The following TNRC6A variants were observed in gnomAD, a reference collection of about 807,000 sequenced individuals.
TNRC6A encodes trinucleotide repeat containing adaptor 6A.
TNRC6A carries 44 observed loss-of-function variants against 221.2 expected under a neutral mutation model. The ratio of observed to expected loss-of-function variants is 0.20; its 90% CI spans 0.16 to 0.26. TNRC6A has a LOEUF of 0.26. Ranked by LOEUF, TNRC6A falls within the 10% of genes least tolerant of loss-of-function variation. The probability of loss-of-function intolerance (pLI) is 1.00; values close to 1 mark genes in which losing one functional copy is unlikely to be tolerated. For missense variants in TNRC6A, 2,199 were observed against 2,404.4 expected (o/e 0.91, Z 1.79); for synonymous variants, 847 against 838.5 (o/e 1.01, Z -0.18).
intron 2 of TNRC6A, among the ~76,000 whole-genome samples, chr16:24,698,495 T>A (rs571104380): frequency 1.1e-4 from 17 of 152,004 alleles, no homozygotes; most frequent in Non-Finnish European, 1.9e-4. Flanking sequence ...CGTACATTCT[T>A]TACTGTGTTC....
intron 5 of TNRC6A, among the ~76,000 whole-genome samples, chr16:24,782,490 T>C (rs1272958423): frequency 1.3e-5 from 2 of 152,216 alleles, no homozygotes; most frequent in African/African-American, 4.8e-5. Flanking sequence ...TCGCAAGGCC[T>C]AAAATGTTTA....
chr16:24,687,825 AGAAGAG>A (rs1425710632), intron 2 of TNRC6A, among the ~76,000 whole-genome samples: 35 of 134,868 alleles, frequency 2.6e-4, no homozygotes, highest in East Asian at 8.7e-4. Flanking sequence ...AGGAAGAGGA[AGAAGAG>A]GAAGAGGAAG....
chr16:24,671,126 G>A (rs2055291472), intron 2 of TNRC6A: 3 of 236,774 alleles, frequency 1.3e-5, no homozygotes, highest in South Asian at 7.6e-5. Flanking sequence ...CAGCAATGAC[G>A]AAGCACCCGC....
intron 2 of TNRC6A, among the ~76,000 whole-genome samples, chr16:24,720,362 C>T (rs953869905): frequency 2.0e-5 from 3 of 149,386 alleles, no homozygotes; most frequent in African/African-American, 7.4e-5. Context: ...TGATCACACC[C>T]GTCTGGGTGA....
chr16:24,685,572 C>T (rs2055610413), intron 2 of TNRC6A, among the ~76,000 whole-genome samples: 1 of 152,198 alleles, frequency 6.6e-6, no homozygotes, highest in South Asian at 2.1e-4. Context: ...CTCCTGGACT[C>T]AAGCGATCTG....
chr16:24,791,017 G>C lies in TNRC6A; in HGVS notation c.2375G>C (p.Trp792Ser). ...GGCGATCCCAAACCTGCTCTGAGGT[G>C]GGGAGATTCCAAAGGCTCAAACTGC... ...GWGDPKPALR[W>S]GDSKGSNCQG... The change falls in exon 6 of 25, where the codon TGG becomes TCG. Residue 792 changes from tryptophan (W) to serine (S), a missense_variant. Physicochemically the swap from Trp to Ser is radical, Grantham distance 177. Coordinates refer to ENST00000395799, the MANE Select transcript of TNRC6A (RefSeq NM_014494.4). The C allele has an allele frequency of 6.3e-7, 1 of 1,592,034 alleles. No homozygotes were observed. The highest frequency in any genetic ancestry group is 8.6e-7 in the Non-Finnish European group (1 of 1,169,062).
At chr16:24,690,303 C>A (rs2055729721) in intron 2 of TNRC6A, among the ~76,000 whole-genome samples, 1 of 151,752 alleles carries the variant, frequency 6.6e-6, no homozygotes, top group African/African-American at 2.4e-5. Context: ...AGCCACCGTG[C>A]CTGGACAAGA....
chr16:24,679,516 G>A (rs944683768), intron 2 of TNRC6A, among the ~76,000 whole-genome samples: 10 of 151,650 alleles, frequency 6.6e-5, no homozygotes, highest in Admixed American at 1.3e-4. Context: ...TTGCTCTGTC[G>A]CCCAGGCTGG....
rs1374670519 is a variant in TNRC6A, at chr16:24,820,285, C to T, written c.5227C>T (p.Pro1743Ser). The change falls in exon 22 of 25, where the codon CCC (proline) becomes TCC (serine). Residue 1743 changes from proline to serine, a missense_variant. This residue lies in a region of TNRC6A where 449 missense variants were observed against 579.7 expected (regional missense o/e 0.77). Transcript: ENST00000395799. ...TCCGGGACTGACTGGTCAGAAGCCA[C>T]CCTTGTCTACGTGGGATAATTCTCC... Reference protein sequence around the residue: ...PPPGLTGQKPPLSTWDNSPLR... With the variant: ...PPPGLTGQKPSLSTWDNSPLR... 1.2e-6 allele frequency: 2 copies of T among 1,614,162 alleles called. No homozygotes were observed. The highest frequency in any genetic ancestry group is 1.7e-6 in the Non-Finnish European group (2 of 1,180,038).
Position 24,815,134 on chromosome 16 carries a change from C to A in TNRC6A, c.4673-13C>A, listed in dbSNP as rs780615535. 5.0e-6 allele frequency: 8 copies of A among 1,606,634 alleles called. No individual in the cohort carries two copies. Among genetic ancestry groups the A allele is most frequent in the East Asian group, 2.2e-5 (1 of 44,682 alleles). ...ATTTTGCTCACATTTCTCTATTATT[C>A]TTCCCTTGTTAGGTGCTATTTCAAG... On this transcript the variant is annotated splice_polypyrimidine_tract_variant and intron_variant, in intron 18 of 24. Transcript: ENST00000395799.
chr16:24,778,504 A>G (rs574582643), intron 5 of TNRC6A: 1,541 of 985,128 alleles, frequency 1.6e-3, no homozygotes, highest in Non-Finnish European at 1.8e-3. Flanking sequence ...GTTATTGGAA[A>G]GGATACAAAT....
At chr16:24,610,338 G>C (rs564336751) in exon 1 of TNRC6A, 6 of 152,250 alleles carry the variant, frequency 3.9e-5, no homozygotes, top group African/African-American at 1.4e-4. Context: ...TCTCCCCATC[G>C]CTGGGTTCAG....
At chr16:24,631,215 G>T (rs9931720) in intron 1 of TNRC6A, among the ~76,000 whole-genome samples, 4 of 151,946 alleles carry the variant, frequency 2.6e-5, no homozygotes, top group Non-Finnish European at 4.4e-5. Context: ...TAAACATATG[G>T]TGTGTAGATC....
At chr16:24,773,796 T>G (rs541153608) in intron 4 of TNRC6A, among the ~76,000 whole-genome samples, 4 of 152,318 alleles carry the variant, frequency 2.6e-5, no homozygotes, top group African/African-American at 9.6e-5. Context: ...TTGAATTTTG[T>G]CTGATATCAA....
chr16:24,732,857 C>G (rs1351513149), intron 2 of TNRC6A, among the ~76,000 whole-genome samples: 1 of 152,210 alleles, frequency 6.6e-6, no homozygotes, highest in Non-Finnish European at 1.5e-5. Context: ...CTGAGAACCA[C>G]TGCTCTAGAT....
chr16:24,753,493 C>T (rs893012360), intron 3 of TNRC6A, among the ~76,000 whole-genome samples: 4 of 152,218 alleles, frequency 2.6e-5, no homozygotes, highest in Admixed American at 1.3e-4. Context: ...AATCAGCTTA[C>T]AACTGAATTT....
chr16:24,763,726 A>C (rs901407403), intron 4 of TNRC6A, among the ~76,000 whole-genome samples: 5 of 152,216 alleles, frequency 3.3e-5, no homozygotes, highest in Admixed American at 6.5e-5. Flanking sequence ...TGAACAAAAC[A>C]ACCCCCAGGT....
In TNRC6A at chr16:24,639,005, C is replaced by T. The variant is rs1901785735; in HGVS notation, n.277-1879C>T. Among the ~76,000 whole-genome samples the T allele has an allele frequency of 2.0e-5, 3 of 152,190 alleles. No individual in the cohort carries two copies. The South Asian group carries it at 6.2e-4, about 31-fold the overall frequency. On this transcript the variant is annotated intron_variant and non_coding_transcript_variant, in intron 1 of 2. Coordinates refer to the TNRC6A transcript ENST00000566108. Reference sequence around the variant, plus strand: ...ATGTAAGATCTTGATGATGTTGGTGCAAATACCTTCACTGGGGTGGAGGCA... The same window carrying T: ...ATGTAAGATCTTGATGATGTTGGTGTAAATACCTTCACTGGGGTGGAGGCA...
At chr16:24,723,063 T>C (rs532817109) in intron 2 of TNRC6A, among the ~76,000 whole-genome samples, 11 of 152,256 alleles carry the variant, frequency 7.2e-5, no homozygotes, top group Admixed American at 1.3e-4. Flanking sequence ...AATTTTGACA[T>C]GTCAGCCTGA....
Sources: allele counts gnomAD v4.1 joint callset (sites outside exome capture counted in the v4.1 genomes callset), GRCh38; gene constraint gnomAD v4.1.1; regional missense constraint gnomAD v4.1.1; transcripts MANE v1.5; gene names NCBI Gene and HGNC (gene_info 2026-07-23, HGNC 2026-07-21).